The following ADARB2 variants were observed in gnomAD, a reference collection of about 807,000 sequenced individuals.
ADARB2 encodes inactive double-stranded RNA-specific editase B2.
In ADARB2, 25 loss-of-function variants were observed where a neutral mutation model predicts 62.2. The ratio of observed to expected loss-of-function variants is 0.40; its 90% CI spans 0.29 to 0.56. ADARB2 has a LOEUF of 0.56. Ranked by LOEUF, ADARB2 falls within the 20% of genes least tolerant of loss-of-function variation. The probability of loss-of-function intolerance (pLI) is 0.43; values close to 1 mark genes in which losing one functional copy is unlikely to be tolerated. For missense variants in ADARB2, 1,071 were observed against 1,077.4 expected (o/e 0.99, Z 0.08); for synonymous variants, 572 against 500.8 (o/e 1.14, Z -1.90).
intron 1 of ADARB2, among the ~76,000 whole-genome samples, chr10:1,502,135 C>T (rs953180370): frequency 6.6e-5 from 10 of 152,222 alleles, no homozygotes; most frequent in Non-Finnish European, 1.3e-4. Flanking sequence ...CCATCAAGAA[C>T]GGACACAATA....
chr10:1,535,025 G>A (rs1006022148), intron 1 of ADARB2: 1 of 167,170 alleles, frequency 6.0e-6, no homozygotes, highest in African/African-American at 2.4e-5. Context: ...ACCAGGGACG[G>A]GGTGAGTTAT....
chr10:1,499,584 C>G (rs1831738609), intron 1 of ADARB2, among the ~76,000 whole-genome samples: 1 of 150,224 alleles, frequency 6.7e-6, no homozygotes, highest in African/African-American at 2.5e-5. Flanking sequence ...CATTCATCAC[C>G]CACCACTCAT....
chr10:1,405,485 C>A (rs1832699454), intron 1 of ADARB2, among the ~76,000 whole-genome samples: 1 of 151,898 alleles, frequency 6.6e-6, no homozygotes, highest in African/African-American at 2.4e-5. Flanking sequence ...CAAAAATTAG[C>A]CAGAGGTGAT....
At chr10:1,591,395 G>A (rs1475524399) in intron 1 of ADARB2, among the ~76,000 whole-genome samples, 1 of 152,154 alleles carries the variant, frequency 6.6e-6, no homozygotes, top group South Asian at 2.1e-4. Context: ...CTGTTAAAAG[G>A]GTTCGCTGCT....
rs371123597 is a variant in ADARB2, at chr10:1,457,012, G to A, written c.101-77852C>T. Among the ~76,000 whole-genome samples the A allele has an allele frequency of 3.6e-5, 5 of 137,860 alleles. No individual in the cohort carries two copies. In the East Asian group the frequency reaches 1.3e-3, roughly 35 times the overall value. The allele number at this position is 137,860 out of a possible 152,430, so 90.4% of individuals were successfully genotyped here. On this transcript the variant is annotated intron_variant, in intron 1 of 9. Transcript: ENST00000381312. ...GGGTTTCACCATCTCTGCCCGCCTC[G>A]GCCTCCCAAAGTGCTGGGATTACAG...
intron 1 of ADARB2, among the ~76,000 whole-genome samples, chr10:1,483,373 T>C (rs1465580021): frequency 1.3e-5 from 2 of 152,236 alleles, no homozygotes; most frequent in African/African-American, 4.8e-5. Flanking sequence ...ACCACACTGT[T>C]CTAACGGTGT....
chr10:1,446,713 T>C (rs541342189), intron 1 of ADARB2, among the ~76,000 whole-genome samples: 2 of 152,366 alleles, frequency 1.3e-5, no homozygotes, highest in South Asian at 4.1e-4. Context: ...TTTTCATCTC[T>C]CTTACAGTGT....
intron 8 of ADARB2, among the ~76,000 whole-genome samples, chr10:1,187,425 C>G (rs1300152963): frequency 6.6e-6 from 1 of 152,258 alleles, no homozygotes; most frequent in African/African-American, 2.4e-5. Context: ...TCCTCCTGCT[C>G]CCATCCTTCT....
chr10:1,264,729 C>T (rs924037003), intron 4 of ADARB2, among the ~76,000 whole-genome samples: 1 of 152,156 alleles, frequency 6.6e-6, no homozygotes, highest in East Asian at 1.9e-4. Context: ...TAAGAGAGGC[C>T]GGACCACTTC....
intron 1 of ADARB2, among the ~76,000 whole-genome samples, chr10:1,655,250 G>C (rs555987211): frequency 7.9e-5 from 12 of 152,298 alleles, no homozygotes; most frequent in Admixed American, 5.2e-4. Context: ...TAGAACAGAG[G>C]GGGTGTTGAT....
At chr10:1,446,770 G>C (rs1192000560) in intron 1 of ADARB2, among the ~76,000 whole-genome samples, 1 of 152,192 alleles carries the variant, frequency 6.6e-6, no homozygotes, top group Non-Finnish European at 1.5e-5. Flanking sequence ...GCCTATTATA[G>C]TGCTTGGTTC....
chr10:1,653,622 G>A (rs1287278581), intron 1 of ADARB2, among the ~76,000 whole-genome samples: 1 of 143,024 alleles, frequency 7.0e-6, no homozygotes, highest in East Asian at 1.9e-4. Flanking sequence ...TTCTGTGCCT[G>A]CAGAGCCGCA....
intron 1 of ADARB2, among the ~76,000 whole-genome samples, chr10:1,572,276 T>C (rs1832952691): frequency 6.6e-6 from 1 of 151,590 alleles, no homozygotes; most frequent in Admixed American, 6.6e-5. Flanking sequence ...GGCAGGTGAG[T>C]GTGAAGATGA....
At chr10:1,451,638 A>G (rs1831040410) in intron 1 of ADARB2, among the ~76,000 whole-genome samples, 1 of 151,240 alleles carries the variant, frequency 6.6e-6, no homozygotes, top group South Asian at 2.1e-4. Context: ...AGAAGGGGAC[A>G]CACCTGTATG....
chr10:1,211,111 A>G (rs1410800395), intron 7 of ADARB2, among the ~76,000 whole-genome samples: 2 of 148,206 alleles, frequency 1.3e-5, no homozygotes, highest in Admixed American at 6.7e-5. Flanking sequence ...CCTCCTATCT[A>G]TCTTCTATCA....
intron 4 of ADARB2, among the ~76,000 whole-genome samples, 195 bp downstream of exon 4, chr10:1,270,760 A>G (rs1480927079): frequency 6.6e-6 from 1 of 152,192 alleles, no homozygotes; most frequent in Non-Finnish European, 1.5e-5. Context: ...CAGCCTAATC[A>G]CAGCACCATG....
intron 3 of ADARB2, among the ~76,000 whole-genome samples, chr10:1,333,668 G>C (rs1381915654): frequency 2.0e-5 from 3 of 152,190 alleles, no homozygotes; most frequent in Non-Finnish European, 2.9e-5. Flanking sequence ...TGGGGAAAGA[G>C]ACGATGATGA....
intron 1 of ADARB2, among the ~76,000 whole-genome samples, chr10:1,402,876 G>A (rs938324769): frequency 1.3e-5 from 2 of 152,210 alleles, no homozygotes; most frequent in African/African-American, 4.8e-5. Flanking sequence ...TCAAGATGGC[G>A]CCAGCAGAGC....
At chr10:1,492,028 A>C (rs552624972) in intron 1 of ADARB2, among the ~76,000 whole-genome samples, 6 of 152,330 alleles carry the variant, frequency 3.9e-5, no homozygotes, top group Middle Eastern at 3.4e-3. Context: ...TTTGTGATAT[A>C]AGCATCACTC....
Sources: gnomAD v4.1 joint callset for allele counts (sites outside exome capture counted in the v4.1 genomes callset) on GRCh38, gnomAD v4.1.1 for gene constraint, MANE v1.5 for transcripts, NCBI Gene and HGNC (gene_info 2026-07-23, HGNC 2026-07-21) for gene names.